Variants in SEMA4F observed in about 807,000 individuals in gnomAD.
The protein encoded by SEMA4F is semaphorin-4F.
Under a neutral mutation model 78.4 loss-of-function variants are expected in SEMA4F, and 51 were observed. The observed-to-expected ratio is 0.65, with a 90% confidence interval of 0.52 to 0.82. The LOEUF (loss-of-function observed/expected upper bound fraction) is 0.82. Ranked by LOEUF, SEMA4F falls within the 40% of genes least tolerant of loss-of-function variation. SEMA4F has a pLI of 0.00. For missense variants in SEMA4F, 938 were observed against 1,014.4 expected, an observed-to-expected ratio of 0.92 and a Z score of 1.02; for synonymous variants, 418 against 408.7, an observed-to-expected ratio of 1.02 and a Z score of -0.27.
chr2:74,680,400 TG>T lies in SEMA4F; in HGVS notation c.*192del, dbSNP rs1685553670. ...TGGGGCCAGACCTTTGCCTGATTCC[TG>T]ATTCCCATGAGAAATCAGAACTGCT... On this transcript the variant is annotated 3_prime_UTR_variant, in exon 14 of 14. Transcript: ENST00000357877. The T allele has an allele frequency of 1.7e-6, 1 of 578,020 alleles. No homozygotes were observed. The highest frequency in any genetic ancestry group is 2.9e-6 in the Non-Finnish European group (1 of 350,042). 35.8% of individuals were successfully genotyped at this position (578,020 alleles called of 1,614,324 possible). A position where few individuals can be genotyped will look rare whatever the true frequency, so the allele number is the denominator to read the frequency against.
chr2:74,673,428 T>G, intron 5 of SEMA4F, 29 bp from the exon 6 acceptor site: 1 of 1,612,886 alleles, frequency 6.2e-7, no homozygotes, highest in South Asian at 1.1e-5. Context: ...GGGTCCCTGA[T>G]AGCCCATCTC....
the SEMA4F span, among the ~76,000 whole-genome samples, chr2:74,704,600 A>T: frequency 1.3e-5 from 2 of 151,958 alleles, no homozygotes; most frequent in African/African-American, 4.8e-5. Context: ...TATCTAACCA[A>T]TTGGAGATGA....
At chr2:74,657,418 G>C in intron 2 of SEMA4F, 147 bp from the exon 3 acceptor site, 1 of 632,884 alleles carries the variant, frequency 1.6e-6, no homozygotes, top group Non-Finnish European at 2.8e-6. Flanking sequence ...TTAATGGGTG[G>C]GGACCTCCAT....
At chr2:74,689,388 A>G in the SEMA4F span, among the ~76,000 whole-genome samples, 1 of 152,176 alleles carries the variant, frequency 6.6e-6, no homozygotes, top group Non-Finnish European at 1.5e-5. Flanking sequence ...GAGAGTGGGC[A>G]TTCTATACTA....
At chr2:74,698,253 G>A in the SEMA4F span, among the ~76,000 whole-genome samples, 5 of 152,226 alleles carry the variant, frequency 3.3e-5, no homozygotes, top group East Asian at 1.9e-4. Context: ...GTATGAAAAA[G>A]CTAGATGCAA....
intron 4 of SEMA4F, among the ~76,000 whole-genome samples, chr2:74,661,425 G>A (rs1350773082): frequency 9.9e-5 from 15 of 152,284 alleles, no homozygotes; most frequent in East Asian, 3.9e-4. Flanking sequence ...TGGTTGGTGG[G>A]GGTGGCTAGA....
chr2:74,683,728 G>A lies in SEMA4F; in HGVS notation c.*3519G>A, dbSNP rs982043911. On this transcript the variant is annotated 3_prime_UTR_variant, in exon 14 of 14. Transcript: ENST00000357877. ...AGCCACATGAGCCCCCTGGATTCAT[G>A]TGGAATTCTTGGGAGAGGGATGACC... The A allele has an allele frequency of 3.9e-5, 6 of 152,174 alleles. No homozygotes were observed. The highest frequency in any genetic ancestry group is 3.9e-4 in the Admixed American group (6 of 15,286). 9.4% of individuals were successfully genotyped at this position (152,174 alleles called of 1,614,324 possible).
chr2:74,680,425 C>A lies in SEMA4F; in HGVS notation c.*216C>A. On this transcript the variant is annotated 3_prime_UTR_variant, in exon 14 of 14. Transcript: ENST00000357877. ...TGATTCCCATGAGAAATCAGAACTG[C>A]TTTCTGCAGCAAATCAGGGCTTCCC... is the stretch of plus-strand genomic sequence containing the variant. 1 of 510,140 alleles carries A rather than the reference C, an allele frequency of 2.0e-6. No homozygotes were observed. The allele number at this position is 510,140 out of a possible 1,614,324, so 31.6% of individuals were successfully genotyped here.
At chr2:74,661,575 A>G (rs1170964439) in intron 4 of SEMA4F, among the ~76,000 whole-genome samples, 1 of 152,178 alleles carries the variant, frequency 6.6e-6, no homozygotes, top group Non-Finnish European at 1.5e-5. Flanking sequence ...TCAGGTGAGG[A>G]TGCTCCCACT....
At chr2:74,691,453 T>C in the SEMA4F span, among the ~76,000 whole-genome samples, 2 of 152,216 alleles carry the variant, frequency 1.3e-5, no homozygotes, top group Non-Finnish European at 2.9e-5. Flanking sequence ...TTTGCATGTG[T>C]GTGACTTGGG....
the SEMA4F span, among the ~76,000 whole-genome samples, chr2:74,695,155 C>T: frequency 3.3e-5 from 5 of 152,112 alleles, no homozygotes; most frequent in South Asian, 8.3e-4. Flanking sequence ...GGGATCTCTG[C>T]GTGTCTCAGC....
chr2:74,660,903 G>T (rs1328482728), intron 4 of SEMA4F, among the ~76,000 whole-genome samples: 1 of 152,186 alleles, frequency 6.6e-6, no homozygotes, highest in Non-Finnish European at 1.5e-5. Flanking sequence ...GGAATGATTT[G>T]CATAGAATAT....
chr2:74,659,218 T>C (rs1209944162), intron 4 of SEMA4F, among the ~76,000 whole-genome samples: 1 of 152,186 alleles, frequency 6.6e-6, no homozygotes, highest in East Asian at 1.9e-4. Flanking sequence ...GTTTATAAGG[T>C]AGCAATGGTA....
rs2104906923 is a variant in SEMA4F, at chr2:74,656,516, C to T, written c.146-18C>T. On this transcript the variant is annotated intron_variant, in intron 1 of 13. Transcript: ENST00000357877. ...TTAGGAAGCGATGGCTAACATCACTCTCCTCTCTTCCTGCCAGAGGCTGAC... is the reference window on the plus strand; with the variant it reads ...TTAGGAAGCGATGGCTAACATCACTTTCCTCTCTTCCTGCCAGAGGCTGAC... 1.2e-6 allele frequency: 2 copies of T among 1,608,556 alleles called. No individual in the cohort carries two copies. The highest frequency in any genetic ancestry group is 1.7e-6 in the Non-Finnish European group (2 of 1,175,670).
Position 74,654,325 on chromosome 2 carries a change from C to T in SEMA4F, c.-52C>T. On this transcript the variant is annotated 5_prime_UTR_variant, in exon 1 of 14. Transcript: ENST00000357877. Reference sequence around the variant, plus strand: ...GGGCCGAGGCCAGTAGCCCCGGGGCCCTGAGCAGAGGCCGTAGCTTGCGCC... The same window carrying T: ...GGGCCGAGGCCAGTAGCCCCGGGGCTCTGAGCAGAGGCCGTAGCTTGCGCC... The T allele has an allele frequency of 7.1e-7, 1 of 1,412,008 alleles. No individual in the cohort carries two copies. Among genetic ancestry groups the T allele is most frequent in the East Asian group, 2.9e-5 (1 of 34,034 alleles). The allele number at this position is 1,412,008 out of a possible 1,614,324, so 87.5% of individuals were successfully genotyped here.
intron 4 of SEMA4F, among the ~76,000 whole-genome samples, chr2:74,661,997 A>G (rs1684451882): frequency 6.6e-6 from 1 of 152,138 alleles, no homozygotes; most frequent in African/African-American, 2.4e-5. Flanking sequence ...CTTAGTGCCA[A>G]ATGCTAGACT....
intron 4 of SEMA4F, among the ~76,000 whole-genome samples, chr2:74,660,373 T>C (rs1166031666): frequency 6.6e-6 from 1 of 152,262 alleles, no homozygotes; most frequent in Non-Finnish European, 1.5e-5. Context: ...ATGTGTTTCA[T>C]GTACTAGGAA....
the SEMA4F span, among the ~76,000 whole-genome samples, chr2:74,700,350 A>G: frequency 2.6e-5 from 4 of 152,090 alleles, no homozygotes; most frequent in Non-Finnish European, 5.9e-5. Flanking sequence ...TAAATGCCAC[A>G]TGTGGGAATA....
At chr2:74,691,946 A>C in the SEMA4F span, among the ~76,000 whole-genome samples, 2 of 152,056 alleles carry the variant, frequency 1.3e-5, no homozygotes, top group Non-Finnish European at 2.9e-5. Flanking sequence ...CAGCCATTGG[A>C]ATGCTCCTGT....
Sources: allele counts gnomAD v4.1 joint callset (sites outside exome capture counted in the v4.1 genomes callset), GRCh38; gene constraint gnomAD v4.1.1; transcripts MANE v1.5; gene names NCBI Gene and HGNC (gene_info 2026-07-23, HGNC 2026-07-21).